VSTM4: variants seen among roughly 807,000 people sequenced by gnomAD.
The protein encoded by VSTM4 is V-set and transmembrane domain-containing protein 4.
A neutral mutation model predicts 36.4 loss-of-function variants in VSTM4; 20 were observed. That is an observed-to-expected ratio of 0.55 (90% CI 0.39 to 0.80). The LOEUF is 0.80. Among genes scored for constraint, VSTM4 ranks in the 30% least tolerant of loss-of-function variants. The pLI is 0.00. For missense variants in VSTM4, 392 were observed against 404.5 expected (o/e 0.97, Z 0.26); for synonymous variants, 182 against 173.9 (o/e 1.05, Z -0.37).
intron 7 of VSTM4, among the ~76,000 whole-genome samples, chr10:49,042,922 T>C (rs959790139): frequency 6.6e-6 from 1 of 151,546 alleles, no homozygotes; most frequent in Admixed American, 6.6e-5. Context: ...CCACAGGGGG[T>C]GAGTAATAAG....
At chr10:49,105,447 CGAA>C (rs1042883814) in intron 2 of VSTM4, among the ~76,000 whole-genome samples, 27 of 147,542 alleles carry the variant, frequency 1.8e-4, no homozygotes, top group Non-Finnish European at 2.1e-4. Flanking sequence ...AGAGGAAAGA[CGAA>C]GAAGAAAAGA....
intron 4 of VSTM4, among the ~76,000 whole-genome samples, chr10:49,066,436 T>C (rs565194442): frequency 6.6e-6 from 1 of 152,360 alleles, no homozygotes; most frequent in Admixed American, 6.5e-5. Context: ...GGTAGAGTAT[T>C]AAAAATCATT....
Position 49,045,845 on chromosome 10 carries a change from A to T in VSTM4, c.837+1138T>A, listed in dbSNP as rs532099217. On this transcript the variant is annotated intron_variant, in intron 7 of 7. Coordinates refer to ENST00000332853, the MANE Select transcript of VSTM4 (RefSeq NM_001031746.5). Reference sequence around the variant, plus strand: ...CCACCTCTGTGCTCTTTGTCCCCCAAATCCGTAACCCCATGATATGGTTTG... The same window carrying T: ...CCACCTCTGTGCTCTTTGTCCCCCATATCCGTAACCCCATGATATGGTTTG... 1.9e-4 allele frequency among the ~76,000 whole-genome samples: 29 copies of T among 152,174 alleles called. No individual in the cohort carries two copies. In the East Asian group the frequency reaches 4.3e-3, roughly 22 times the overall value.
chr10:49,077,702 G>A (rs1023737636), intron 3 of VSTM4, among the ~76,000 whole-genome samples: 4 of 151,668 alleles, frequency 2.6e-5, no homozygotes, highest in Non-Finnish European at 5.9e-5. Flanking sequence ...ATGTAAGCTA[G>A]AAGACTTCAG....
chr10:49,047,609 A>G (rs1277556834), intron 6 of VSTM4, among the ~76,000 whole-genome samples: 1 of 152,206 alleles, frequency 6.6e-6, no homozygotes, highest in East Asian at 1.9e-4. Context: ...CTACTGTGGA[A>G]TGAACGACAT....
chr10:49,112,672 T>C (rs1182888333), intron 1 of VSTM4, among the ~76,000 whole-genome samples: 2 of 152,218 alleles, frequency 1.3e-5, no homozygotes, highest in African/African-American at 4.8e-5. Flanking sequence ...ACCCCATGGT[T>C]GGAAGTCCTC....
At chr10:49,058,386 G>A (rs1389812790) in intron 5 of VSTM4, among the ~76,000 whole-genome samples, 1 of 152,132 alleles carries the variant, frequency 6.6e-6, no homozygotes. Context: ...GCAACTGGGG[G>A]GATTTCGTTT....
At chr10:49,090,689 C>A (rs181895862) in intron 2 of VSTM4, among the ~76,000 whole-genome samples, 3 of 152,200 alleles carry the variant, frequency 2.0e-5, no homozygotes, top group Non-Finnish European at 2.9e-5. Context: ...CCACAGCCCC[C>A]CTCTGGGTGA....
intron 2 of VSTM4, among the ~76,000 whole-genome samples, chr10:49,088,787 T>G (rs1844420366): frequency 6.6e-6 from 1 of 152,166 alleles, no homozygotes; most frequent in Non-Finnish European, 1.5e-5. Context: ...TAGATAAGGA[T>G]AAGAAGGTCC....
chr10:49,106,547 T>G (rs1204003186), intron 2 of VSTM4, among the ~76,000 whole-genome samples: 1 of 152,244 alleles, frequency 6.6e-6, no homozygotes, highest in Non-Finnish European at 1.5e-5. Context: ...GGGCTACCCC[T>G]GGTCCTCTGC....
At chr10:49,100,740 G>T (rs1261666337) in intron 2 of VSTM4, among the ~76,000 whole-genome samples, 1 of 152,098 alleles carries the variant, frequency 6.6e-6, no homozygotes, top group African/African-American at 2.4e-5. Context: ...ACAAAACTGG[G>T]TAAGTGGATC....
chr10:49,080,343 T>A (rs1054719434), intron 3 of VSTM4, among the ~76,000 whole-genome samples: 39 of 152,162 alleles, frequency 2.6e-4, no homozygotes, highest in African/African-American at 8.2e-4. Flanking sequence ...AAAGGGGGCA[T>A]GAAATGGAAT....
intron 4 of VSTM4, among the ~76,000 whole-genome samples, chr10:49,069,518 C>A (rs1282437175): frequency 6.6e-6 from 1 of 152,206 alleles, no homozygotes; most frequent in Non-Finnish European, 1.5e-5. Flanking sequence ...GAAAGCACCT[C>A]CCTCATTCAG....
intron 7 of VSTM4, among the ~76,000 whole-genome samples, chr10:49,043,622 A>G (rs7896772): frequency 1.2e-3 from 187 of 152,376 alleles, no homozygotes; most frequent in African/African-American, 4.1e-3. Context: ...CTCAAAAAAA[A>G]GGAATAAATA....
At chr10:49,067,750 G>A (rs1843998698) in intron 4 of VSTM4, among the ~76,000 whole-genome samples, 1 of 152,192 alleles carries the variant, frequency 6.6e-6, no homozygotes, top group Non-Finnish European at 1.5e-5. Flanking sequence ...CTTTGCTGTG[G>A]CGGCCTCCGC....
chr10:49,069,686 T>G (rs1443284622), intron 4 of VSTM4, among the ~76,000 whole-genome samples: 2 of 152,160 alleles, frequency 1.3e-5, no homozygotes. Context: ...AGGCCTACAG[T>G]TATAAGGACA....
intron 2 of VSTM4, among the ~76,000 whole-genome samples, chr10:49,090,014 G>A (rs55872223): frequency 0.17 from 25,259 of 152,216 alleles, 2,364 homozygotes; most frequent in Non-Finnish European, 0.21. Context: ...CTTCAAGTGT[G>A]GAGTGGAAGA....
chr10:49,038,519 A>G (rs1252311604), intron 7 of VSTM4, among the ~76,000 whole-genome samples: 1 of 152,152 alleles, frequency 6.6e-6, no homozygotes, highest in Non-Finnish European at 1.5e-5. Context: ...AGAGCATTGG[A>G]GATTGACCAC....
chr10:49,028,206 A>G lies in VSTM4; in HGVS notation c.838-8431T>C, dbSNP rs190579142. On this transcript the variant is annotated intron_variant, in intron 7 of 7. Coordinates refer to ENST00000332853, the MANE Select transcript of VSTM4 (RefSeq NM_001031746.5). ...TCCTGGATAGCTGCTGAGCCAGATT[A>G]AATTCTTACATAGCACAGTTTCCTC... Among the ~76,000 whole-genome samples the G allele has an allele frequency of 7.9e-4, 121 of 152,326 alleles. 1 individual carries two copies. Among genetic ancestry groups the G allele is most frequent in the African/African-American group, 2.7e-3 (114 of 41,572 alleles).
Sources: gnomAD v4.1 joint callset for allele counts (sites outside exome capture counted in the v4.1 genomes callset) on GRCh38, gnomAD v4.1.1 for gene constraint, MANE v1.5 for transcripts, NCBI Gene and HGNC (gene_info 2026-07-23, HGNC 2026-07-21) for gene names.